The following ARB2A variants were observed in gnomAD, a reference collection of about 807,000 sequenced individuals.
The protein encoded by ARB2A is ARB2 cotranscriptional regulator A, also known as cotranscriptional regulator ARB2A.
chr5:93,890,121 C>T, the ARB2A span, among the ~76,000 whole-genome samples: 1 of 151,774 alleles, frequency 6.6e-6, no homozygotes, highest in African/African-American at 2.4e-5. Flanking sequence ...ATGTTTCATG[C>T]CTCTGCTTTA....
chr5:93,723,046 G>A, the ARB2A span, among the ~76,000 whole-genome samples: 23 of 152,172 alleles, frequency 1.5e-4, no homozygotes, highest in Admixed American at 2.6e-4. Flanking sequence ...TACATTTAGA[G>A]GTTAAAAATC....
chr5:94,026,739 CTTTAAACTGTCTTTGGCTTGAAGGTTGGG>C, the ARB2A span, among the ~76,000 whole-genome samples: 14 of 152,244 alleles, frequency 9.2e-5, no homozygotes, highest in South Asian at 1.9e-3. Flanking sequence ...GGCTTTCAGG[CTTTAAACTGTCTTTGGCTTGAAGGTTGGG>C]TTTAAACTGT....
the ARB2A span, chr5:93,618,588 T>C: frequency 1.3e-5 from 2 of 152,186 alleles, no homozygotes; most frequent in African/African-American, 2.4e-5. Flanking sequence ...ATTACATTTA[T>C]ATCAACAAAC....
chr5:93,880,650 G>A, the ARB2A span, among the ~76,000 whole-genome samples: 2 of 151,442 alleles, frequency 1.3e-5, no homozygotes, highest in African/African-American at 2.4e-5. Flanking sequence ...CCATAATAAG[G>A]GCTTTGAAAA....
chr5:94,011,883 T>TAA, the ARB2A span, among the ~76,000 whole-genome samples: 935 of 43,346 alleles, frequency 0.022, 22 homozygotes, highest in African/African-American at 0.081. Context: ...CAGAGTGATT[T>TAA]AAAAAAAAAA....
At chr5:93,638,573 G>A in the ARB2A span, among the ~76,000 whole-genome samples, 1 of 152,008 alleles carries the variant, frequency 6.6e-6, no homozygotes, top group Non-Finnish European at 1.5e-5. Context: ...AGCACTTTGG[G>A]AGGCTGAGGC....
chr5:94,015,135 C>A, the ARB2A span, among the ~76,000 whole-genome samples: 5 of 152,034 alleles, frequency 3.3e-5, no homozygotes, highest in Non-Finnish European at 5.9e-5. Context: ...AGGAAAGGAT[C>A]CTAAAAGCAG....
At chr5:93,739,140 A>G in the ARB2A span, 1 of 152,228 alleles carries the variant, frequency 6.6e-6, no homozygotes, top group Non-Finnish European at 1.5e-5. Context: ...TGCTGGGATT[A>G]CAGGCATGAG....
chr5:93,906,921 C>A, the ARB2A span, among the ~76,000 whole-genome samples: 2 of 151,606 alleles, frequency 1.3e-5, no homozygotes, highest in African/African-American at 4.8e-5. Context: ...GCATAATTCT[C>A]CCTTGCTGCC....
the ARB2A span, among the ~76,000 whole-genome samples, chr5:93,842,937 C>T: frequency 6.6e-5 from 10 of 152,166 alleles, no homozygotes; most frequent in Non-Finnish European, 1.3e-4. Context: ...AATGTAGTTA[C>T]CTATCCCAGT....
chr5:94,102,742 G>GA, the ARB2A span, among the ~76,000 whole-genome samples: 48 of 152,046 alleles, frequency 3.2e-4, no homozygotes, highest in African/African-American at 1.1e-3. Context: ...CAAAGTGAAA[G>GA]AAAAAATCTT....
chr5:94,002,193 C>T, the ARB2A span, among the ~76,000 whole-genome samples: 1 of 151,986 alleles, frequency 6.6e-6, no homozygotes, highest in African/African-American at 2.4e-5. Flanking sequence ...GCTTGGTTAA[C>T]TAATTTACCC....
the ARB2A span, among the ~76,000 whole-genome samples, chr5:94,004,998 CAAAAAAA>C: frequency 7.2e-4 from 9 of 12,550 alleles, no homozygotes; most frequent in African/African-American, 1.1e-3. Flanking sequence ...ATTTTATCAG[CAAAAAAA>C]AAAAAAAAAA....
chr5:94,030,679 T>C, the ARB2A span, among the ~76,000 whole-genome samples: 1 of 152,236 alleles, frequency 6.6e-6, no homozygotes, highest in South Asian at 2.1e-4. Flanking sequence ...TCAAAACTCA[T>C]GTTGAAATTT....
At chr5:93,713,238 G>A in the ARB2A span, among the ~76,000 whole-genome samples, 1 of 152,014 alleles carries the variant, frequency 6.6e-6, no homozygotes, top group South Asian at 2.1e-4. Flanking sequence ...ACATTGCACA[G>A]ATAAGGAAAC....
chr5:93,986,852 C>T, the ARB2A span, among the ~76,000 whole-genome samples: 5 of 152,172 alleles, frequency 3.3e-5, no homozygotes, highest in Admixed American at 3.3e-4. Context: ...TCCCTAATCT[C>T]AAGTACCCAG....
At chr5:93,957,589 C>G in the ARB2A span, among the ~76,000 whole-genome samples, 1 of 151,796 alleles carries the variant, frequency 6.6e-6, no homozygotes, top group Non-Finnish European at 1.5e-5. Context: ...AATTAGCAAC[C>G]AGATCAAAAG....
At chr5:93,709,406 G>A in the ARB2A span, among the ~76,000 whole-genome samples, 335 of 151,926 alleles carry the variant, frequency 2.2e-3, no homozygotes, top group African/African-American at 7.8e-3. Flanking sequence ...AGGCTGAGGA[G>A]GGTGGATCAC....
the ARB2A span, among the ~76,000 whole-genome samples, chr5:93,893,885 A>G: frequency 5.5e-4 from 84 of 152,286 alleles, no homozygotes; most frequent in African/African-American, 1.9e-3. Context: ...TCTTTTAATC[A>G]CAGTGTAGCA....
Sources: gnomAD v4.1 joint callset for allele counts (sites outside exome capture counted in the v4.1 genomes callset) on GRCh38, gnomAD v4.1.1 for gene constraint, MANE v1.5 for transcripts, NCBI Gene and HGNC (gene_info 2026-07-23, HGNC 2026-07-21) for gene names.